The following ZNF365 variants were observed in gnomAD, a reference collection of about 807,000 sequenced individuals.
ZNF365 encodes the protein zinc finger protein 365, also known as protein ZNF365.
ZNF365 carries 22 observed loss-of-function variants against 35.0 expected under a neutral mutation model. That is an observed-to-expected ratio of 0.63 (90% CI 0.45 to 0.90). The LOEUF (loss-of-function observed/expected upper bound fraction) is 0.90, where lower values mean the gene tolerates loss of function less well. Ranked by LOEUF, ZNF365 falls within the 40% of genes least tolerant of loss-of-function variation. The pLI is 0.00. For missense variants in ZNF365, 448 were observed against 500.3 expected (o/e 0.90, Z 1.00); for synonymous variants, 188 against 196.2 (o/e 0.96, Z 0.35).
downstream of ZNF365, among the ~76,000 whole-genome samples, chr10:62,407,339 T>G (rs79790083): frequency 1.7e-3 from 261 of 152,250 alleles, 1 homozygote; most frequent in Middle Eastern, 6.8e-3. Context: ...AGATAAAAAC[T>G]CAAACACTAC....
Position 62,388,439 on chromosome 10 carries a change from A to G in ZNF365, c.787A>G (p.Lys263Glu). The change falls in exon 3 of 5, where the codon AAG becomes GAG. Residue 263 changes from lysine to glutamate, a missense_variant. Lys to Glu is a moderately conservative substitution (Grantham distance 56, BLOSUM62 1). Transcript: ENST00000395254. ...CCATTTCCTGGAAGCGGCAGCTGAG[A>G]AGGAGGTTCAAGGGAAAGCCCGGCT... ...FNHFLEAAAE[K>E]EVQGKARLQD... 6.2e-7 allele frequency: 1 copy of G among 1,614,206 alleles called. No individual in the cohort carries two copies. The highest frequency in any genetic ancestry group is 8.5e-7 in the Non-Finnish European group (1 of 1,180,034).
At chr10:62,430,756 T>C (rs903235785) in intron 3 of ZNF365, among the ~76,000 whole-genome samples, 1 of 152,232 alleles carries the variant, frequency 6.6e-6, no homozygotes, top group East Asian at 1.9e-4. Context: ...TTCCAGCCTA[T>C]GCAAATGCTT....
In ZNF365 at chr10:62,376,879, T is replaced by C. The variant is rs1839344958; in HGVS notation, c.686T>C (p.Ile229Thr). 6.2e-7 allele frequency: 1 copy of C among 1,614,054 alleles called. No individual in the cohort carries two copies. Among genetic ancestry groups the C allele is most frequent in the Non-Finnish European group, 8.5e-7 (1 of 1,180,048 alleles). The change falls in exon 2 of 5, where the codon ATA (isoleucine) becomes ACA (threonine). Residue 229 changes from isoleucine to threonine, a missense_variant. This residue lies in a region of ZNF365 where 362 missense variants were observed against 375.7 expected (regional missense o/e 0.96). Transcript: ENST00000395254. ...CAGGTGGACGTGGCCGTGGAAATGA[T>C]AGCTGTACTGAGGCAACGCCTGACG... ...NRQVDVAVEM[I>T]AVLRQRLTES...
chr10:62,419,080 G>A (rs1840125747), intron 3 of ZNF365, among the ~76,000 whole-genome samples: 1 of 152,084 alleles, frequency 6.6e-6, no homozygotes, highest in African/African-American at 2.4e-5. Flanking sequence ...CTCAAACAAT[G>A]TGGTCAATAT....
intron 2 of ZNF365, among the ~76,000 whole-genome samples, chr10:62,383,878 G>A (rs916698930): frequency 8.5e-5 from 13 of 152,142 alleles, no homozygotes; most frequent in African/African-American, 3.1e-4. Flanking sequence ...CTGAAGGTTT[G>A]GCTCTCTGGA....
downstream of ZNF365, among the ~76,000 whole-genome samples, chr10:62,406,299 G>T (rs1839903995): frequency 1.3e-5 from 2 of 152,092 alleles, no homozygotes. Flanking sequence ...TCAGCCTTCA[G>T]ATTTGAGATC....
chr10:62,391,491 C>A (rs2132420996), intron 3 of ZNF365, among the ~76,000 whole-genome samples: 1 of 152,238 alleles, frequency 6.6e-6, no homozygotes, highest in South Asian at 2.1e-4. Flanking sequence ...TGAGAACATA[C>A]AATGTTTGGT....
At chr10:62,466,898 C>T (rs1840953181) in intron 4 of ZNF365, among the ~76,000 whole-genome samples, 1 of 152,048 alleles carries the variant, frequency 6.6e-6, no homozygotes. Flanking sequence ...ACCTTCCAGG[C>T]TCAAGTGATT....
At position 62,391,370 on chromosome 10, in the gene ZNF365, C is replaced by G. The variant is rs1023643167; in HGVS notation, c.924+2794C>G. Reference sequence around the variant, plus strand: ...CTGTACCCAGTTTGTAGTCTTTTATCTCTCACACCCCTCTCATCCTTTCCT... The same window carrying G: ...CTGTACCCAGTTTGTAGTCTTTTATGTCTCACACCCCTCTCATCCTTTCCT... On this transcript the variant is annotated intron_variant, in intron 3 of 4. Transcript: ENST00000395254. Among the ~76,000 whole-genome samples the G allele has an allele frequency of 3.3e-5, 5 of 152,250 alleles. No homozygotes were observed. The South Asian group carries it at 8.3e-4, about 25-fold the overall frequency.
intron 2 of ZNF365, among the ~76,000 whole-genome samples, chr10:62,386,299 T>G (rs1839525455): frequency 6.6e-6 from 1 of 152,224 alleles, no homozygotes; most frequent in Non-Finnish European, 1.5e-5. Flanking sequence ...AGTACACATC[T>G]TCTATTGAGG....
At chr10:62,469,898 A>G (rs551909362) in intron 4 of ZNF365, among the ~76,000 whole-genome samples, 6 of 152,310 alleles carry the variant, frequency 3.9e-5, no homozygotes, top group Admixed American at 2.0e-4. Flanking sequence ...ATGATATCAC[A>G]TTTCAAAACC....
At chr10:62,419,094 T>C (rs1384713988) in intron 3 of ZNF365, among the ~76,000 whole-genome samples, 1 of 152,096 alleles carries the variant, frequency 6.6e-6, no homozygotes, top group East Asian at 1.9e-4. Context: ...TCAATATATC[T>C]AATGAAAGAA....
chr10:62,434,394 C>T (rs1840376999), intron 3 of ZNF365, among the ~76,000 whole-genome samples: 1 of 152,020 alleles, frequency 6.6e-6, no homozygotes, highest in African/African-American at 2.4e-5. Flanking sequence ...TGCTTACAAA[C>T]GTTTGTGGGT....
intron 3 of ZNF365, among the ~76,000 whole-genome samples, chr10:62,457,924 A>G (rs911068221): frequency 2.0e-5 from 3 of 152,168 alleles, no homozygotes; most frequent in African/African-American, 7.2e-5. Context: ...ACCTCAAAAC[A>G]CCAAAAACAG....
chr10:62,433,939 A>G (rs1840369296), intron 3 of ZNF365, among the ~76,000 whole-genome samples: 1 of 152,140 alleles, frequency 6.6e-6, no homozygotes, highest in Admixed American at 6.5e-5. Flanking sequence ...CCAGGAACTG[A>G]AGATTCTTAG....
intron 3 of ZNF365, among the ~76,000 whole-genome samples, chr10:62,457,643 A>G (rs1429683663): frequency 6.6e-6 from 1 of 152,242 alleles, no homozygotes; most frequent in Non-Finnish European, 1.5e-5. Context: ...GTATCCTTTG[A>G]CACCACATGT....
intron 3 of ZNF365, among the ~76,000 whole-genome samples, chr10:62,435,784 C>T (rs1255548326): frequency 2.6e-5 from 4 of 152,164 alleles, no homozygotes; most frequent in Admixed American, 6.5e-5. Context: ...AACAAGAAAA[C>T]AAACTCATTT....
At chr10:62,425,390 T>C (rs1840235970) in intron 3 of ZNF365, among the ~76,000 whole-genome samples, 1 of 152,124 alleles carries the variant, frequency 6.6e-6, no homozygotes, top group Non-Finnish European at 1.5e-5. Context: ...AGGAAAACAT[T>C]TGTAATATAT....
chr10:62,402,030 CAGA>C lies in ZNF365; in HGVS notation c.*2244_*2246del. ...GTCAAAACATGGGAGATGGCTTACT[CAGA>C]AGCATACTCCACTTAACATACCATG... On this transcript the variant is annotated 3_prime_UTR_variant, in exon 5 of 5. Transcript: ENST00000395254. The C allele has an allele frequency of 1.0e-6, 1 of 985,616 alleles. No homozygotes were observed. Among genetic ancestry groups the C allele is most frequent in the Non-Finnish European group, 1.2e-6 (1 of 829,912 alleles). The allele number at this position is 985,616 out of a possible 1,614,324, so 61.1% of individuals were successfully genotyped here. A position where few individuals can be genotyped will look rare whatever the true frequency, so the allele number is the denominator to read the frequency against.
Sources: gnomAD v4.1 joint callset for allele counts (sites outside exome capture counted in the v4.1 genomes callset) on GRCh38, gnomAD v4.1.1 for gene constraint, gnomAD v4.1.1 regional missense constraint, MANE v1.5 for transcripts, NCBI Gene and HGNC (gene_info 2026-07-23, HGNC 2026-07-21) for gene names.